RFWD3: variants seen among roughly 807,000 people sequenced by gnomAD.
RFWD3 encodes the protein ring finger and WD repeat domain 3.
A neutral mutation model predicts 87.7 loss-of-function variants in RFWD3; 65 were observed. The ratio of observed to expected loss-of-function variants is 0.74; its 90% CI spans 0.61 to 0.91. RFWD3 has a LOEUF of 0.91. RFWD3 is among the 40% of genes least tolerant of loss of function. The probability of loss-of-function intolerance (pLI) is 0.00; values close to 1 mark genes in which losing one functional copy is unlikely to be tolerated. For synonymous variants in RFWD3, 433 were observed against 352.8 expected, an observed-to-expected ratio of 1.23 and a Z score of -2.55; for missense variants, 1,078 against 938.5, an observed-to-expected ratio of 1.15 and a Z score of -1.94.
At chr16:74,647,941 ATTTT>A (rs969401914) in intron 4 of RFWD3, among the ~76,000 whole-genome samples, 14 of 151,276 alleles carry the variant, frequency 9.3e-5, no homozygotes, top group African/African-American at 3.2e-4. Flanking sequence ...ATTCTGCCTG[ATTTT>A]TTTTTAATTT....
Position 74,661,222 on chromosome 16 carries a change from C to G in RFWD3, c.228G>C (p.Leu76=). 1 of 1,614,234 alleles carries G rather than the reference C, an allele frequency of 6.2e-7. No individual in the cohort carries two copies. The highest frequency in any genetic ancestry group is 8.5e-7 in the Non-Finnish European group (1 of 1,180,044). Residue 76 remains leucine, a synonymous_variant, in exon 2 of 13, where the codon CTG becomes CTC. Coordinates refer to ENST00000361070, the MANE Select transcript of RFWD3 (RefSeq NM_018124.4). ...CCTCCACTTCTGTCAGGTCAACAGA[C>G]AGTTGCGGAGCAGGCTGGAGCAGGG... ...TPPLLQPAPQ[L]SVDLTEVEVL... is the part of the protein sequence containing the mutation.
At chr16:74,641,433 G>C (rs893451227) in intron 6 of RFWD3, among the ~76,000 whole-genome samples, 1 of 150,222 alleles carries the variant, frequency 6.7e-6, no homozygotes, top group Non-Finnish European at 1.5e-5. Context: ...AAAGTGCTGG[G>C]ATTATAGGTG....
At chr16:74,657,593 A>C (rs1452384958) in intron 2 of RFWD3, among the ~76,000 whole-genome samples, 1 of 150,516 alleles carries the variant, frequency 6.6e-6, no homozygotes, top group Non-Finnish European at 1.5e-5. Flanking sequence ...CTCCTGCCTC[A>C]GTCTCCTGAG....
At chr16:74,643,798 C>T (rs1196642987) in intron 6 of RFWD3, among the ~76,000 whole-genome samples, 35 of 151,740 alleles carry the variant, frequency 2.3e-4, no homozygotes, top group Admixed American at 3.3e-4. Flanking sequence ...GTCTCAGCCT[C>T]CTCAGTAGCT....
At chr16:74,665,455 G>A (rs1961806276) in intron 1 of RFWD3, among the ~76,000 whole-genome samples, 1 of 152,102 alleles carries the variant, frequency 6.6e-6, no homozygotes, top group African/African-American at 2.4e-5. Flanking sequence ...GCGCATGCCT[G>A]TAATCCCAGC....
At chr16:74,642,090 G>A (rs1467208489) in intron 6 of RFWD3, among the ~76,000 whole-genome samples, 1 of 151,920 alleles carries the variant, frequency 6.6e-6, no homozygotes, top group East Asian at 1.9e-4. Flanking sequence ...GTTCTCTATG[G>A]AATTAAGAAC....
At chr16:74,645,588 A>C (rs1393548673) in intron 4 of RFWD3, among the ~76,000 whole-genome samples, 2 of 151,984 alleles carry the variant, frequency 1.3e-5, no homozygotes, top group Non-Finnish European at 2.9e-5. Flanking sequence ...CCTGACCTCA[A>C]GTGATCCGCC....
intron 6 of RFWD3, among the ~76,000 whole-genome samples, chr16:74,643,575 A>G (rs180989334): frequency 2.6e-5 from 4 of 152,224 alleles, no homozygotes; most frequent in East Asian, 3.9e-4. Context: ...CCAAACCAGT[A>G]AAGTGTGAAC....
chr16:74,634,327 T>C (rs1490296443), intron 8 of RFWD3, among the ~76,000 whole-genome samples: 2 of 152,072 alleles, frequency 1.3e-5, no homozygotes, highest in Non-Finnish European at 2.9e-5. Flanking sequence ...AACTTCTTGT[T>C]ACTCTGTTCT....
intron 2 of RFWD3, among the ~76,000 whole-genome samples, chr16:74,655,941 T>C (rs1385492727): frequency 6.6e-6 from 1 of 152,194 alleles, no homozygotes; most frequent in Non-Finnish European, 1.5e-5. Context: ...AAAGGATTCC[T>C]TTAAATATAT....
chr16:74,632,541 T>C lies in RFWD3; in HGVS notation c.1559A>G (p.Asn520Ser), dbSNP rs1567569040. 1.2e-6 allele frequency: 2 copies of C among 1,613,952 alleles called. No individual in the cohort carries two copies. Among genetic ancestry groups the C allele is most frequent in the Non-Finnish European group, 1.7e-6 (2 of 1,179,884 alleles). The change falls in exon 9 of 13, where the codon AAC becomes AGC. Residue 520 changes from asparagine (N) to serine (S), a missense_variant. Transcript: ENST00000361070. ...CACTCACCTGGTCAGTTTAATAGTG[T>C]TGTCTAGGGAAGCAGAGAGTAGCAA... The part of the protein sequence containing the change: ...RGLLLSASLD[N>S]TIKLTSLETN...
chr16:74,637,818 A>G lies in RFWD3; in HGVS notation c.1194+38T>C, dbSNP rs1011289097. On this transcript the variant is annotated intron_variant, in intron 7 of 12. Transcript: ENST00000361070. ...AACATTAGCTTCCTCTTCCATTCCT[A>G]TTCCAAAAGTTCTTTGGATTAGAAA... 4 of 1,466,734 alleles carry G rather than the reference A, an allele frequency of 2.7e-6. No homozygotes were observed. In the African/African-American group the frequency reaches 4.2e-5, roughly 15 times the overall value. The allele number at this position is 1,466,734 out of a possible 1,614,324, so 90.9% of individuals were successfully genotyped here. A position where few individuals can be genotyped will look rare whatever the true frequency, so the allele number is the denominator to read the frequency against.
chr16:74,632,172 T>C (rs910968876), intron 9 of RFWD3, among the ~76,000 whole-genome samples: 4 of 151,158 alleles, frequency 2.6e-5, no homozygotes, highest in African/African-American at 7.3e-5. Context: ...GGGCGGATCA[T>C]GAGGTCAGGA....
chr16:74,652,184 A>G (rs1166100667), intron 2 of RFWD3, 62 bp from the exon 3 acceptor site: 45 of 1,458,322 alleles, frequency 3.1e-5, no homozygotes, highest in Non-Finnish European at 4.1e-5. Context: ...AAAACAATCT[A>G]TAGTGATTTG....
chr16:74,626,031 C>T (rs776577009), intron 12 of RFWD3, among the ~76,000 whole-genome samples: 4 of 152,114 alleles, frequency 2.6e-5, no homozygotes, highest in African/African-American at 7.2e-5. Flanking sequence ...ACTAAAAATA[C>T]AAAAATCAGT....
Position 74,626,572 on chromosome 16 carries a change from C to G in RFWD3, c.1970-18G>C. The G allele has an allele frequency of 6.2e-7, 1 of 1,601,334 alleles. No individual in the cohort carries two copies. Among genetic ancestry groups the G allele is most frequent in the Non-Finnish European group, 8.6e-7 (1 of 1,168,698 alleles). ...ATTTTTATCTATGGGACAGAGAAAT[C>G]AGTGCTGCACCATGGGGACGCTACA... On this transcript the variant is annotated intron_variant, in intron 11 of 12. Transcript: ENST00000361070.
At chr16:74,653,405 C>T (rs952392907) in intron 2 of RFWD3, among the ~76,000 whole-genome samples, 3 of 151,048 alleles carry the variant, frequency 2.0e-5, no homozygotes, top group Admixed American at 6.6e-5. Flanking sequence ...CACTTGAGCC[C>T]GAGAGTTTGA....
chr16:74,658,939 T>C lies in RFWD3; in HGVS notation c.518+1993A>G, dbSNP rs560375571. 6.6e-5 allele frequency among the ~76,000 whole-genome samples: 10 copies of C among 152,174 alleles called. No homozygotes were observed. In the East Asian group the frequency reaches 1.9e-3, roughly 29 times the overall value. ...TGTGCCACCACGCCCGGCTAATTTT[T>C]TGTATTTTTAGTAGAGATGGGGTTT... is the stretch of plus-strand genomic sequence containing the variant. On this transcript the variant is annotated intron_variant, in intron 2 of 12. Coordinates refer to ENST00000361070, the MANE Select transcript of RFWD3 (RefSeq NM_018124.4).
chr16:74,665,874 G>A (rs969010437), intron 1 of RFWD3, among the ~76,000 whole-genome samples: 4 of 152,032 alleles, frequency 2.6e-5, no homozygotes, highest in Non-Finnish European at 1.5e-5. Context: ...AGCCTCCCGA[G>A]TAGCTGGGAA....
Sources: allele counts gnomAD v4.1 joint callset (sites outside exome capture counted in the v4.1 genomes callset), GRCh38; gene constraint gnomAD v4.1.1; transcripts MANE v1.5; gene names NCBI Gene and HGNC (gene_info 2026-07-23, HGNC 2026-07-21).